SMC6: variants seen among roughly 807,000 people sequenced by gnomAD.
SMC6 encodes structural maintenance of chromosomes 6.
A neutral mutation model predicts 142.2 loss-of-function variants in SMC6; 79 were observed. The ratio of observed to expected loss-of-function variants is 0.56; its 90% CI spans 0.46 to 0.67. The LOEUF is 0.67. Ranked by LOEUF, SMC6 falls within the 30% of genes least tolerant of loss-of-function variation. The pLI is 0.00. For synonymous variants in SMC6, 411 were observed against 412.4 expected (o/e 1.00, Z 0.04); for missense variants, 1,072 against 1,284.0 (o/e 0.83, Z 2.52).
chr2:17,707,089 T>C (rs1668547170), intron 18 of SMC6, 130 bp downstream of exon 18: 5 of 642,456 alleles, frequency 7.8e-6, no homozygotes, highest in Non-Finnish European at 1.2e-5. Flanking sequence ...TAAGTGATGT[T>C]TTAAGACCAA....
chr2:17,750,579 T>C (rs1292834291), intron 2 of SMC6, among the ~76,000 whole-genome samples: 1 of 152,230 alleles, frequency 6.6e-6, no homozygotes, highest in East Asian at 1.9e-4. Context: ...CAAAACCCAG[T>C]TAAACCTCTT....
Position 17,752,989 on chromosome 2 carries a change from T to C in SMC6, c.-17A>G, listed in dbSNP as rs568793449. 48 of 983,388 alleles carry C rather than the reference T, an allele frequency of 4.9e-5. No individual in the cohort carries two copies. In the East Asian group the frequency reaches 3.3e-3, roughly 67 times the overall value. 60.9% of individuals were successfully genotyped at this position (983,388 alleles called of 1,614,324 possible). On this transcript the variant is annotated 5_prime_UTR_variant, in exon 2 of 28. Transcript: ENST00000448223. ...TTTCACAGTATTACCTCAAACCCTA[T>C]TGGTTCTACAACCTTTCTCTACCCT...
At chr2:17,675,972 C>T (rs886999282) in intron 25 of SMC6, among the ~76,000 whole-genome samples, 18 of 152,076 alleles carry the variant, frequency 1.2e-4, no homozygotes, top group Non-Finnish European at 2.1e-4. Flanking sequence ...TCTATCCTAT[C>T]GGGACTCCAA....
chr2:17,670,634 A>G (rs1666710190), intron 25 of SMC6, 59 bp from the exon 26 acceptor site: 2 of 1,427,618 alleles, frequency 1.4e-6, no homozygotes, highest in Non-Finnish European at 1.9e-6. Context: ...GCCAGATTAA[A>G]TTCTTTACAA....
chr2:17,680,273 C>A (rs964590680), intron 24 of SMC6: 32 of 152,178 alleles, frequency 2.1e-4, no homozygotes, highest in African/African-American at 6.5e-4. Context: ...TTCAGAAATA[C>A]TGCAGGTTCA....
At chr2:17,748,138 G>A (rs1222673365) in intron 2 of SMC6, among the ~76,000 whole-genome samples, 1 of 152,158 alleles carries the variant, frequency 6.6e-6, no homozygotes, top group Non-Finnish European at 1.5e-5. Context: ...GACCACAAAA[G>A]GACTTGTAGA....
chr2:17,731,976 T>C, intron 5 of SMC6, 99 bp from the exon 6 acceptor site: 1 of 1,323,546 alleles, frequency 7.6e-7, no homozygotes, highest in East Asian at 2.5e-5. Flanking sequence ...CCAAATAATT[T>C]GGCCAATTCA....
At chr2:17,695,934 C>G (rs1358965897) in intron 22 of SMC6, among the ~76,000 whole-genome samples, 1 of 152,168 alleles carries the variant, frequency 6.6e-6, no homozygotes, top group Admixed American at 6.5e-5. Flanking sequence ...GAGCTAAAAT[C>G]TAGCCCGGCC....
Position 17,718,094 on chromosome 2 carries a change from C to T in SMC6, c.1075G>A (p.Ala359Thr), listed in dbSNP as rs945864382. 2.5e-6 allele frequency: 4 copies of T among 1,608,886 alleles called. No homozygotes were observed. Among genetic ancestry groups the T allele is most frequent in the African/African-American group, 1.3e-5 (1 of 74,798 alleles). The change falls in exon 12 of 28, where the codon GCC becomes ACC. Residue 359 changes from alanine (A) to threonine (T), a missense_variant. Coordinates refer to ENST00000448223, the MANE Select transcript of SMC6 (RefSeq NM_001142286.2). ...LKADVVAKKR[A>T]YNEAEVLYNR... ...TATCTCACCTCAGCTTCATTATAGG[C>T]CCTTTTCTTAGCAACAACATCTGCT...
At chr2:17,683,805 G>A (rs1400899886) in intron 23 of SMC6, 42 bp from the exon 24 acceptor site, 14 of 1,564,158 alleles carry the variant, frequency 9.0e-6, no homozygotes, top group East Asian at 4.5e-5. Context: ...TACACCACAC[G>A]TAAAAAACAT....
intron 23 of SMC6, among the ~76,000 whole-genome samples, chr2:17,684,247 G>T (rs1426291227): frequency 6.6e-6 from 1 of 152,092 alleles, no homozygotes; most frequent in Non-Finnish European, 1.5e-5. Flanking sequence ...ATTACAAAAG[G>T]CAACAGCCTA....
At chr2:17,702,730 T>A (rs527264928) in intron 19 of SMC6, among the ~76,000 whole-genome samples, 2 of 152,244 alleles carry the variant, frequency 1.3e-5, no homozygotes, top group East Asian at 3.9e-4. Flanking sequence ...GTAAGTCTCA[T>A]GAGATTTGAT....
chr2:17,725,135 G>T, intron 9 of SMC6, 122 bp downstream of exon 9: 2 of 660,076 alleles, frequency 3.0e-6, no homozygotes, highest in Non-Finnish European at 2.5e-6. Flanking sequence ...ACTTCAGAGT[G>T]CTATAAAAAT....
chr2:17,709,807 G>C (rs994962489), intron 16 of SMC6, among the ~76,000 whole-genome samples: 4 of 152,162 alleles, frequency 2.6e-5, no homozygotes, highest in African/African-American at 9.7e-5. Flanking sequence ...ACACTGGGCA[G>C]ATACCTGAGG....
chr2:17,728,442 T>C (rs2125038065), intron 7 of SMC6, among the ~76,000 whole-genome samples: 1 of 152,052 alleles, frequency 6.6e-6, no homozygotes, highest in African/African-American at 2.4e-5. Context: ...CCAAGGCTCA[T>C]GCCAGCACTT....
chr2:17,667,766 A>G (rs1419326553), intron 26 of SMC6, among the ~76,000 whole-genome samples: 1 of 152,168 alleles, frequency 6.6e-6, no homozygotes, highest in Admixed American at 6.5e-5. Context: ...ACAAGGATCA[A>G]TTGAATCCAG....
chr2:17,746,030 C>A lies in SMC6; in HGVS notation c.-5-79G>T. ...ACTCAACAAAATAAATCTAACAAGG[C>A]TAATTAAACTTTAGGTACTATGTCC... On this transcript the variant is annotated intron_variant, in intron 2 of 27. Transcript: ENST00000448223. 2.3e-6 allele frequency: 3 copies of A among 1,318,458 alleles called. No homozygotes were observed. In the South Asian group the frequency reaches 5.5e-5, roughly 24 times the overall value. The allele number at this position is 1,318,458 out of a possible 1,614,324, so 81.7% of individuals were successfully genotyped here. A position where few individuals can be genotyped will look rare whatever the true frequency, so the allele number is the denominator to read the frequency against.
intron 2 of SMC6, chr2:17,746,368 CT>C (rs1558383907): frequency 6.5e-6 from 1 of 152,980 alleles, no homozygotes; most frequent in Non-Finnish European, 1.5e-5. Context: ...GTTGTGACTA[CT>C]AAACTCACAA....
At chr2:17,697,107 C>T (rs764400403) in intron 21 of SMC6, among the ~76,000 whole-genome samples, 3 of 152,050 alleles carry the variant, frequency 2.0e-5, no homozygotes, top group Non-Finnish European at 4.4e-5. Flanking sequence ...GTAGCTATTA[C>T]TTCATGATGA....
Sources: gnomAD v4.1 joint callset for allele counts (sites outside exome capture counted in the v4.1 genomes callset) on GRCh38, gnomAD v4.1.1 for gene constraint, MANE v1.5 for transcripts, NCBI Gene and HGNC (gene_info 2026-07-23, HGNC 2026-07-21) for gene names.